The following C2orf76 variants were observed in gnomAD, a reference collection of about 807,000 sequenced individuals.
C2orf76 encodes UPF0538 protein C2orf76.
In C2orf76, 23 loss-of-function variants were observed where a neutral mutation model predicts 16.9. The ratio of observed to expected loss-of-function variants is 1.36; its 90% CI spans 0.98 to 1.93. The LOEUF (loss-of-function observed/expected upper bound fraction) is 1.93. Among genes scored for constraint, C2orf76 ranks in the 30% most tolerant of loss-of-function variants. The probability of loss-of-function intolerance (pLI) is 0.00; values close to 1 mark genes in which losing one functional copy is unlikely to be tolerated. For missense variants in C2orf76, 152 were observed against 152.6 expected (o/e 1.00, Z 0.02); for synonymous variants, 48 against 52.3 (o/e 0.92, Z 0.35).
chr2:119,348,208 A>G (rs1455229795), intron 1 of C2orf76, among the ~76,000 whole-genome samples: 1 of 152,214 alleles, frequency 6.6e-6, no homozygotes, highest in African/African-American at 2.4e-5. Context: ...ACATTCAAAG[A>G]TTTTCTTTCA....
intron 1 of C2orf76, among the ~76,000 whole-genome samples, chr2:119,365,546 C>A (rs549091541): frequency 6.6e-6 from 1 of 152,322 alleles, no homozygotes; most frequent in South Asian, 2.1e-4. Flanking sequence ...CTGAAAGCGT[C>A]TACCTTCCCT....
intron 4 of C2orf76, among the ~76,000 whole-genome samples, chr2:119,317,042 C>T (rs1371723444): frequency 1.3e-5 from 2 of 152,164 alleles, no homozygotes; most frequent in Non-Finnish European, 2.9e-5. Context: ...TTCTCTTATA[C>T]ACAGCAAGAA....
the C2orf76 span, among the ~76,000 whole-genome samples, chr2:119,282,165 T>C: frequency 6.6e-6 from 1 of 150,782 alleles, no homozygotes; most frequent in Non-Finnish European, 1.5e-5. Context: ...AAAAAAGATA[T>C]AAAAAGTTGG....
rs1213961999 is a variant in C2orf76, at chr2:119,350,069, G to GCC, written c.-12-10100_-12-10099dup. ...TGAGCCACCACGCCCCGCCCACACC[G>GCC]CCCCCCGCCCCCCCACCGTCCCGCG... On this transcript the variant is annotated intron_variant, in intron 1 of 5. Transcript: ENST00000334816. 4.0e-3 allele frequency among the ~76,000 whole-genome samples: 114 copies of GCC among 28,498 alleles called. 1 individual carries two copies. Among genetic ancestry groups the GCC allele is most frequent in the Middle Eastern group, 0.031 (1 of 32 alleles). The allele number at this position is 28,498 out of a possible 152,430, so 18.7% of individuals were successfully genotyped here.
At chr2:119,333,164 G>A (rs1679730641) in intron 2 of C2orf76, among the ~76,000 whole-genome samples, 3 of 152,142 alleles carry the variant, frequency 2.0e-5, no homozygotes, top group Admixed American at 2.0e-4. Context: ...ACGTGATAAG[G>A]CAATAATACA....
rs1339771655 is a variant in C2orf76, at chr2:119,339,984, A to T, written c.-12-13T>A. 3.1e-6 allele frequency: 5 copies of T among 1,598,588 alleles called. No individual in the cohort carries two copies. The highest frequency in any genetic ancestry group is 4.3e-6 in the Non-Finnish European group (5 of 1,167,064). ...TGTGAAGAAATTCCTGTGGCAAGAG[A>T]CATGAGAACCATCTAAATGAAGCCA... On this transcript the variant is annotated splice_polypyrimidine_tract_variant and intron_variant, in intron 1 of 5. Transcript: ENST00000334816.
At chr2:119,287,507 G>A in the C2orf76 span, among the ~76,000 whole-genome samples, 15 of 144,338 alleles carry the variant, frequency 1.0e-4, no homozygotes, top group Non-Finnish European at 1.8e-4. Context: ...TGAAAGCAGG[G>A]CTAATAACAT....
downstream of C2orf76, among the ~76,000 whole-genome samples, chr2:119,299,185 T>G (rs1330528703): frequency 6.6e-6 from 1 of 152,132 alleles, no homozygotes; most frequent in East Asian, 1.9e-4. Context: ...CCCAAAGGGC[T>G]GAGATTACAG....
chr2:119,359,305 G>A (rs1309572524), intron 1 of C2orf76, among the ~76,000 whole-genome samples: 1 of 152,186 alleles, frequency 6.6e-6, no homozygotes, highest in Non-Finnish European at 1.5e-5. Flanking sequence ...GTGCTCTCAT[G>A]GACATGGACA....
intron 1 of C2orf76, among the ~76,000 whole-genome samples, chr2:119,347,222 A>C (rs1680232261): frequency 6.6e-6 from 1 of 152,148 alleles, no homozygotes; most frequent in Non-Finnish European, 1.5e-5. Flanking sequence ...ATGTTAAATG[A>C]CACCACAAGG....
At chr2:119,320,433 C>T (rs778471711) in intron 3 of C2orf76, among the ~76,000 whole-genome samples, 61 of 152,030 alleles carry the variant, frequency 4.0e-4, no homozygotes, top group Non-Finnish European at 1.8e-4. Flanking sequence ...AAGTACTTTC[C>T]ACTCAGTGCC....
intron 2 of C2orf76, among the ~76,000 whole-genome samples, chr2:119,326,584 G>C (rs539158707): frequency 8.3e-4 from 107 of 128,390 alleles, no homozygotes; most frequent in Middle Eastern, 4.1e-3. Flanking sequence ...AATAAGTTTG[G>C]TATTATCTGA....
chr2:119,330,627 T>C (rs183631110), intron 2 of C2orf76, among the ~76,000 whole-genome samples: 1 of 152,280 alleles, frequency 6.6e-6, no homozygotes, highest in Admixed American at 6.5e-5. Flanking sequence ...AAATTTTCAA[T>C]CATTATTTCT....
intron 2 of C2orf76, among the ~76,000 whole-genome samples, chr2:119,326,253 A>G (rs751146727): frequency 1.7e-4 from 26 of 152,090 alleles, no homozygotes; most frequent in Non-Finnish European, 3.2e-4. Flanking sequence ...ATTTTTGTAT[A>G]TGGTAGGAGG....
Position 119,339,840 on chromosome 2 carries a change from T to C in C2orf76, c.120A>G (p.Val40=). 6.3e-7 allele frequency: 1 copy of C among 1,598,754 alleles called. No individual in the cohort carries two copies. The highest frequency in any genetic ancestry group is 8.6e-7 in the Non-Finnish European group (1 of 1,167,516). Reference sequence around the variant, plus strand: ...CACATCTCATACCTTGCTTTAGAAATACGATAAATTCCTTTACAGTTTGGT... The same window carrying C: ...CACATCTCATACCTTGCTTTAGAAACACGATAAATTCCTTTACAGTTTGGT... ...NLDQTVKEFI[V]FLKQDIPLRT... Residue 40 remains valine, a synonymous_variant, in exon 2 of 6, where the codon GTA becomes GTG. Coordinates refer to ENST00000334816, the MANE Select transcript of C2orf76 (RefSeq NM_001322331.2).
intron 5 of C2orf76, among the ~76,000 whole-genome samples, chr2:119,303,804 C>T (rs1229642206): frequency 1.3e-5 from 2 of 152,166 alleles, no homozygotes; most frequent in African/African-American, 4.8e-5. Flanking sequence ...GATCCTCATT[C>T]CAGTCCTCTA....
chr2:119,323,458 C>T (rs1474770585), intron 2 of C2orf76, among the ~76,000 whole-genome samples: 1 of 152,050 alleles, frequency 6.6e-6, no homozygotes, highest in Non-Finnish European at 1.5e-5. Flanking sequence ...AGGAGCTGCC[C>T]ACTCATGACA....
chr2:119,314,754 A>G (rs1679111461), intron 4 of C2orf76, among the ~76,000 whole-genome samples: 1 of 152,172 alleles, frequency 6.6e-6, no homozygotes, highest in Non-Finnish European at 1.5e-5. Flanking sequence ...ATTGTATTTT[A>G]TTGGGGCAGC....
intron 5 of C2orf76, among the ~76,000 whole-genome samples, chr2:119,308,018 T>C (rs1345181132): frequency 6.6e-6 from 1 of 152,170 alleles, no homozygotes; most frequent in Non-Finnish European, 1.5e-5. Context: ...TTATTCTGTT[T>C]TTACAGAAAA....
Sources: allele counts gnomAD v4.1 joint callset (sites outside exome capture counted in the v4.1 genomes callset), GRCh38; gene constraint gnomAD v4.1.1; transcripts MANE v1.5; gene names NCBI Gene and HGNC (gene_info 2026-07-23, HGNC 2026-07-21).